WDR59: variants seen among roughly 807,000 people sequenced by gnomAD.
WDR59 encodes WD repeat domain 59, also known as GATOR2 complex protein WDR59.
Under a neutral mutation model 131.2 loss-of-function variants are expected in WDR59, and 100 were observed. The ratio of observed to expected loss-of-function variants is 0.76; its 90% CI spans 0.65 to 0.90. The LOEUF is 0.90. Among genes scored for constraint, WDR59 ranks in the 40% least tolerant of loss-of-function variants. The pLI, the probability that WDR59 is intolerant of heterozygous loss-of-function variation, is 0.00. For missense variants in WDR59, 1,203 were observed against 1,262.2 expected, an observed-to-expected ratio of 0.95 and a Z score of 0.71; for synonymous variants, 601 against 466.2, an observed-to-expected ratio of 1.29 and a Z score of -3.72.
rs572524867 is a variant in WDR59, at chr16:74,906,033, G to C, written c.1713-1933C>G. ...ATGCAAATTAAAACCACAGTGAGAC[G>C]GCCGGGCGCGGTGGCTCACGCCTGT... On this transcript the variant is annotated intron_variant, in intron 17 of 25. Coordinates refer to ENST00000262144, the MANE Select transcript of WDR59 (RefSeq NM_030581.4). Among the ~76,000 whole-genome samples the C allele has an allele frequency of 2.7e-3, 409 of 151,746 alleles. 2 individuals are homozygous for C. The highest frequency in any genetic ancestry group is 9.4e-3 in the African/African-American group (390 of 41,402).
intron 1 of WDR59, among the ~76,000 whole-genome samples, chr16:74,972,135 G>T (rs916420978): frequency 6.6e-6 from 1 of 152,174 alleles, no homozygotes; most frequent in Non-Finnish European, 1.5e-5. Context: ...AGAAGTCTTT[G>T]TTCCTTCAAC....
At chr16:74,981,610 TTACATATATATATATA>T (rs2034406337) in intron 1 of WDR59, among the ~76,000 whole-genome samples, 1 of 76,704 alleles carries the variant, frequency 1.3e-5, no homozygotes, top group Non-Finnish European at 2.4e-5. Flanking sequence ...ACATATACAT[TTACATATATATATATA>T]TATATATATA....
chr16:74,982,855 C>T (rs913697169), intron 1 of WDR59, among the ~76,000 whole-genome samples: 9 of 152,214 alleles, frequency 5.9e-5, no homozygotes, highest in African/African-American at 1.9e-4. Flanking sequence ...ACTCATTCTC[C>T]GGCAAAAGAC....
intron 7 of WDR59, among the ~76,000 whole-genome samples, chr16:74,940,945 C>T (rs969034384): frequency 3.3e-5 from 5 of 151,942 alleles, no homozygotes; most frequent in African/African-American, 1.2e-4. Flanking sequence ...ACCTCGTGAT[C>T]CACCCGCCTC....
intron 25 of WDR59, among the ~76,000 whole-genome samples, chr16:74,882,454 C>A (rs1387312167): frequency 6.6e-6 from 1 of 152,022 alleles, no homozygotes; most frequent in Non-Finnish European, 1.5e-5. Flanking sequence ...TAGCAATTAC[C>A]AGGTATGGTG....
chr16:74,985,114 G>T lies in WDR59; in HGVS notation c.-97C>A. The T allele has an allele frequency of 8.5e-7, 1 of 1,169,638 alleles. No individual in the cohort carries two copies. Among genetic ancestry groups the T allele is most frequent in the Non-Finnish European group, 1.2e-6 (1 of 807,706 alleles). 72.5% of individuals were successfully genotyped at this position (1,169,638 alleles called of 1,614,324 possible). On this transcript the variant is annotated 5_prime_UTR_variant, in exon 1 of 26. In the 5' UTR this introduces an upstream ATG that the reference lacks. Coordinates refer to ENST00000262144, the MANE Select transcript of WDR59 (RefSeq NM_030581.4). The stretch of plus-strand genomic sequence containing the variant: ...TGCGCCCCACACAGCCAGAGAATCA[G>T]CCCCGACACGCCCCGTGCCCTGGTT...
At chr16:74,933,035 A>G (rs2031522064) in intron 8 of WDR59, among the ~76,000 whole-genome samples, 1 of 152,318 alleles carries the variant, frequency 6.6e-6, no homozygotes, top group South Asian at 2.1e-4. Flanking sequence ...CTTGTAAAAA[A>G]TGCCTTGTGG....
chr16:74,979,339 G>A (rs1009748723), intron 1 of WDR59, among the ~76,000 whole-genome samples: 3 of 151,642 alleles, frequency 2.0e-5, no homozygotes, highest in Non-Finnish European at 4.4e-5. Flanking sequence ...GGTGGCGGGC[G>A]CCTGTAGTCC....
intron 1 of WDR59, among the ~76,000 whole-genome samples, chr16:74,980,517 C>T (rs2034358855): frequency 6.6e-6 from 1 of 151,318 alleles, no homozygotes; most frequent in Admixed American, 6.6e-5. Flanking sequence ...CCATGCCTGG[C>T]TAATTTTTGT....
Position 74,973,761 on chromosome 16 carries a change from C to T in WDR59, c.55-7939G>A, listed in dbSNP as rs572851953. ...TTAAAAATTAATTAATTCGGCCAGG[C>T]GCAGTGGCTCATACCTGTAATCCCA... On this transcript the variant is annotated intron_variant, in intron 1 of 25. Transcript: ENST00000262144. Among the ~76,000 whole-genome samples the T allele has an allele frequency of 3.3e-5, 5 of 152,300 alleles. No individual in the cohort carries two copies. The South Asian group carries it at 8.3e-4, about 25-fold the overall frequency.
Position 74,907,281 on chromosome 16 carries a change from C to T in WDR59, c.1712+1627G>A, listed in dbSNP as rs565127888. 3.9e-5 allele frequency among the ~76,000 whole-genome samples: 6 copies of T among 152,286 alleles called. No individual in the cohort carries two copies. The South Asian group carries it at 8.3e-4, about 21-fold the overall frequency. Reference sequence around the variant, plus strand: ...GATATGGTTAGGCTTTGTGTCCCCACCCAAATCTCATCTTGAATTGTAATC... The same window carrying T: ...GATATGGTTAGGCTTTGTGTCCCCATCCAAATCTCATCTTGAATTGTAATC... On this transcript the variant is annotated intron_variant, in intron 17 of 25. Coordinates refer to ENST00000262144, the MANE Select transcript of WDR59 (RefSeq NM_030581.4).
chr16:74,899,442 C>A (rs192710360), intron 18 of WDR59, among the ~76,000 whole-genome samples: 2 of 152,228 alleles, frequency 1.3e-5, no homozygotes, highest in South Asian at 4.1e-4. Context: ...TCCAAGAAAC[C>A]CAGCATTAAC....
rs115341903 is a variant in WDR59 at position 74,893,492 on chromosome 16, G to T, written c.2000+187C>A. Among the ~76,000 whole-genome samples, 317 of 152,214 alleles carry T rather than the reference G, an allele frequency of 2.1e-3. 2 individuals are homozygous for T. The highest frequency in any genetic ancestry group is 7.4e-3 in the African/African-American group (306 of 41,528). On this transcript the variant is annotated intron_variant, in intron 19 of 25. Transcript: ENST00000262144. ...GACTCGCGACCCACAAAAACTGGAA[G>T]ATAAGAAATGAATGTTGTTGGAAGC...
At chr16:74,948,636 T>C (rs1567422999) in intron 5 of WDR59, 80 bp from the exon 6 acceptor site, 12 of 1,192,038 alleles carry the variant, frequency 1.0e-5, no homozygotes, top group Admixed American at 1.7e-5. Flanking sequence ...TTGCACACAA[T>C]TCTTCGCTTT....
chr16:74,979,711 T>C (rs576499256), intron 1 of WDR59, among the ~76,000 whole-genome samples: 1 of 148,402 alleles, frequency 6.7e-6, no homozygotes, highest in Non-Finnish European at 1.5e-5. Context: ...CGGCTAATTT[T>C]TGTATTTTTA....
At chr16:74,958,837 T>C (rs2033431983) in intron 2 of WDR59, among the ~76,000 whole-genome samples, 1 of 132,132 alleles carries the variant, frequency 7.6e-6, no homozygotes, top group South Asian at 3.0e-4. Context: ...CCGAGGCGGA[T>C]GGATCACCTG....
At chr16:74,931,955 A>G (rs942657785) in intron 8 of WDR59, among the ~76,000 whole-genome samples, 1 of 151,998 alleles carries the variant, frequency 6.6e-6, no homozygotes, top group Non-Finnish European at 1.5e-5. Context: ...CTCTTAATAT[A>G]AACTTTTGCT....
intron 8 of WDR59, among the ~76,000 whole-genome samples, chr16:74,933,916 C>CT (rs1184673971): frequency 6.6e-6 from 1 of 152,172 alleles, no homozygotes; most frequent in Non-Finnish European, 1.5e-5. Context: ...TATAACAACT[C>CT]TTTTTTGCCA....
chr16:74,904,276 G>C, intron 17 of WDR59, 176 bp from the exon 18 acceptor site: 2 of 679,072 alleles, frequency 2.9e-6, no homozygotes, highest in Non-Finnish European at 4.8e-6. Context: ...CACAAGCATA[G>C]AATGCTTCTA....
Sources: gnomAD v4.1 joint callset for allele counts (sites outside exome capture counted in the v4.1 genomes callset) on GRCh38, gnomAD v4.1.1 for gene constraint, MANE v1.5 for transcripts, NCBI Gene and HGNC (gene_info 2026-07-23, HGNC 2026-07-21) for gene names.